The following PPFIA1 variants were observed in gnomAD, a reference collection of about 807,000 sequenced individuals.
PPFIA1 encodes liprin-alpha-1.
In PPFIA1, 25 loss-of-function variants were observed where a neutral mutation model predicts 149.9. The observed-to-expected ratio is 0.17, with a 90% CI of 0.12 to 0.23. The LOEUF (loss-of-function observed/expected upper bound fraction) is 0.23. Ranked by LOEUF, PPFIA1 falls within the 10% of genes least tolerant of loss-of-function variation. The probability of loss-of-function intolerance (pLI) is 1.00; values close to 1 mark genes in which losing one functional copy is unlikely to be tolerated. For synonymous variants in PPFIA1, 549 were observed against 552.8 expected, an observed-to-expected ratio of 0.99 and a Z score of 0.10; for missense variants, 1,362 against 1,506.5, an observed-to-expected ratio of 0.90 and a Z score of 1.59.
intron 11 of PPFIA1, among the ~76,000 whole-genome samples, chr11:70,336,111 A>G (rs562155048): frequency 9.2e-5 from 14 of 152,248 alleles, no homozygotes; most frequent in African/African-American, 3.1e-4. Context: ...AGAAACAAGC[A>G]GTGGGCTGGT....
chr11:70,372,859 C>G (rs575213534), intron 23 of PPFIA1, among the ~76,000 whole-genome samples: 103 of 152,312 alleles, frequency 6.8e-4, no homozygotes, highest in South Asian at 1.9e-3. Flanking sequence ...TGGTCATGCC[C>G]TGTGTACTCC....
At chr11:70,302,574 GT>G (rs1052397257) in intron 2 of PPFIA1, among the ~76,000 whole-genome samples, 2 of 152,068 alleles carry the variant, frequency 1.3e-5, no homozygotes, top group Admixed American at 6.6e-5. Context: ...CAGTTATGTC[GT>G]TTTCTGGTAG....
At chr11:70,324,706 C>G in intron 3 of PPFIA1, 141 bp from the exon 4 acceptor site, 1 of 942,448 alleles carries the variant, frequency 1.1e-6, no homozygotes, top group South Asian at 1.7e-5. Context: ...TATTTTAATA[C>G]AATTGAGAGG....
Position 70,354,522 on chromosome 11 carries a change from A to C in PPFIA1, c.2315+70A>C, listed in dbSNP as rs189590451. ...CGTTTCTGGTGTTGAGAAATCGACA[A>C]ATCTTTCCTTGAGTAAAACAGTGAT... On this transcript the variant is annotated intron_variant, in intron 17 of 27. Transcript: ENST00000253925. 4,900 of 1,475,318 alleles carry C rather than the reference A, an allele frequency of 3.3e-3. 313 individuals are homozygous for C. The Admixed American group carries it at 0.11, about 33-fold the overall frequency. 91.4% of individuals were successfully genotyped at this position (1,475,318 alleles called of 1,614,324 possible).
At chr11:70,372,852 T>G (rs973728629) in intron 23 of PPFIA1, among the ~76,000 whole-genome samples, 2 of 152,220 alleles carry the variant, frequency 1.3e-5, no homozygotes, top group African/African-American at 4.8e-5. Flanking sequence ...TTTCCTTTGG[T>G]CATGCCCTGT....
intron 2 of PPFIA1, among the ~76,000 whole-genome samples, chr11:70,299,978 C>T (rs960099950): frequency 6.6e-6 from 1 of 152,100 alleles, no homozygotes; most frequent in Non-Finnish European, 1.5e-5. Flanking sequence ...GCCCGGCTAC[C>T]GACTCCGTGT....
At chr11:70,379,610 C>CT (rs2057624982) in intron 26 of PPFIA1, among the ~76,000 whole-genome samples, 1 of 139,390 alleles carries the variant, frequency 7.2e-6, no homozygotes, top group African/African-American at 3.1e-5. Context: ...GACCCCATCT[C>CT]TAAAAAAAAA....
At chr11:70,370,695 G>A (rs1325505960) in intron 21 of PPFIA1, among the ~76,000 whole-genome samples, 1 of 152,084 alleles carries the variant, frequency 6.6e-6, no homozygotes, top group East Asian at 1.9e-4. Flanking sequence ...GCTAGTTTAA[G>A]TTTTTAAAAG....
chr11:70,304,015 A>G (rs974959073), intron 2 of PPFIA1, among the ~76,000 whole-genome samples: 3 of 139,430 alleles, frequency 2.2e-5, no homozygotes, highest in African/African-American at 9.6e-5. Flanking sequence ...AAAAAAGAAA[A>G]GACAAAAAAA....
At chr11:70,292,644 A>T (rs571185621) in intron 2 of PPFIA1, among the ~76,000 whole-genome samples, 1 of 152,250 alleles carries the variant, frequency 6.6e-6, no homozygotes, top group South Asian at 2.1e-4. Context: ...GTGAATGTTT[A>T]TTGCCTCTAA....
intron 16 of PPFIA1, among the ~76,000 whole-genome samples, chr11:70,350,430 G>T (rs1005742299): frequency 6.6e-6 from 1 of 152,152 alleles, no homozygotes; most frequent in African/African-American, 2.4e-5. Context: ...TCATAGGATG[G>T]ATGTAAAGAT....
intron 21 of PPFIA1, among the ~76,000 whole-genome samples, chr11:70,369,263 T>G (rs1435337801): frequency 6.6e-6 from 1 of 152,196 alleles, no homozygotes. Context: ...TTTTTCAATC[T>G]CTTCATATGG....
chr11:70,358,830 C>T (rs530538508), intron 19 of PPFIA1, among the ~76,000 whole-genome samples: 6 of 152,316 alleles, frequency 3.9e-5, no homozygotes, highest in South Asian at 2.1e-4. Context: ...ACCCGCAAGT[C>T]GGGGCTGGCT....
intron 1 of PPFIA1, chr11:70,271,898 C>T (rs1463190312): frequency 2.5e-5 from 6 of 237,762 alleles, no homozygotes; most frequent in Non-Finnish European, 4.8e-5. Context: ...TGCAAACAGA[C>T]TACCCCAGGG....
chr11:70,284,588 G>T (rs1051862189), intron 2 of PPFIA1, among the ~76,000 whole-genome samples: 1 of 152,204 alleles, frequency 6.6e-6, no homozygotes, highest in Non-Finnish European at 1.5e-5. Flanking sequence ...AGAATGAAGT[G>T]GTTCAGAAGA....
intron 21 of PPFIA1, among the ~76,000 whole-genome samples, chr11:70,369,809 G>C (rs541887762): frequency 2.8e-4 from 42 of 152,130 alleles, no homozygotes; most frequent in Middle Eastern, 3.4e-3. Context: ...TTGTCATTTT[G>C]TGTTTGTTTT....
intron 15 of PPFIA1, 51 bp downstream of exon 15, chr11:70,343,943 A>G: frequency 1.3e-6 from 2 of 1,492,966 alleles, no homozygotes; most frequent in African/African-American, 2.8e-5. Context: ...GTCTCTGAGG[A>G]ATCTCATCTT....
In PPFIA1 at chr11:70,362,445, T is replaced by C; in HGVS notation, c.2822T>C (p.Ile941Thr). Residue 941 changes from isoleucine (I) to threonine (T), a missense_variant, in exon 21 of 28, where the codon ATC becomes ACC. Transcript: ENST00000253925. ...RLKLRLAIQE[I>T]MSLTSPSAPP... ...AAGCTGAGGCTGGCCATCCAGGAGA[T>C]CATGTCGCTGACCAGCCCGTCTGCC... 7.4e-6 allele frequency: 12 copies of C among 1,614,102 alleles called. No individual in the cohort carries two copies. The highest frequency in any genetic ancestry group is 1.0e-5 in the Non-Finnish European group (12 of 1,180,004).
intron 19 of PPFIA1, among the ~76,000 whole-genome samples, chr11:70,359,924 C>T (rs1433638979): frequency 2.0e-5 from 3 of 152,260 alleles, no homozygotes; most frequent in Non-Finnish European, 4.4e-5. Context: ...CCCCTCGACA[C>T]AGGGGCCTTC....
Sources: allele counts gnomAD v4.1 joint callset (sites outside exome capture counted in the v4.1 genomes callset), GRCh38; gene constraint gnomAD v4.1.1; transcripts MANE v1.5; gene names NCBI Gene and HGNC (gene_info 2026-07-23, HGNC 2026-07-21).